Variants in BTBD9 observed in about 807,000 individuals in gnomAD.
BTBD9 encodes BTB/POZ domain-containing protein 9.
BTBD9 carries 49 observed loss-of-function variants against 64.3 expected under a neutral mutation model. That is an observed-to-expected ratio of 0.76 (90% CI 0.61 to 0.97). The LOEUF (loss-of-function observed/expected upper bound fraction) is 0.97, where lower values mean the gene tolerates loss of function less well. BTBD9 is among the 50% of genes least tolerant of loss of function. The pLI is 0.00. For synonymous variants in BTBD9, 260 were observed against 274.7 expected, an observed-to-expected ratio of 0.95 and a Z score of 0.53; for missense variants, 598 against 762.1, an observed-to-expected ratio of 0.78 and a Z score of 2.53.
intron 6 of BTBD9, among the ~76,000 whole-genome samples, chr6:38,354,798 CAA>C (rs1307609959): frequency 6.6e-6 from 1 of 151,612 alleles, no homozygotes; most frequent in Admixed American, 6.6e-5. Flanking sequence ...ATAAAGCTAC[CAA>C]AAAGAATCAG....
chr6:38,276,178 G>T (rs1342675765), intron 8 of BTBD9, among the ~76,000 whole-genome samples: 1 of 152,154 alleles, frequency 6.6e-6, no homozygotes, highest in Non-Finnish European at 1.5e-5. Context: ...CATAAAAAAT[G>T]ATGAGTTCAT....
intron 6 of BTBD9, among the ~76,000 whole-genome samples, chr6:38,447,144 A>G (rs1769310397): frequency 6.6e-6 from 1 of 152,234 alleles, no homozygotes; most frequent in Admixed American, 6.5e-5. Context: ...AAATGAAAAT[A>G]TATCGAGATC....
chr6:38,412,754 G>C (rs1767487868), intron 6 of BTBD9, among the ~76,000 whole-genome samples: 1 of 152,120 alleles, frequency 6.6e-6, no homozygotes, highest in South Asian at 2.1e-4. Flanking sequence ...AGCTATTCAG[G>C]AGGCTGAGGC....
chr6:38,350,660 C>A (rs1381982068), intron 6 of BTBD9, among the ~76,000 whole-genome samples: 1 of 152,142 alleles, frequency 6.6e-6, no homozygotes, highest in Non-Finnish European at 1.5e-5. Context: ...AACAAAGAAT[C>A]TTGAAAACTA....
At chr6:38,490,823 A>C (rs1379220834) in intron 6 of BTBD9, among the ~76,000 whole-genome samples, 1 of 152,228 alleles carries the variant, frequency 6.6e-6, no homozygotes, top group Non-Finnish European at 1.5e-5. Flanking sequence ...AATTTATTTC[A>C]AGTAAATCAG....
At chr6:38,292,753 T>C (rs541508697) in intron 7 of BTBD9, among the ~76,000 whole-genome samples, 4 of 152,324 alleles carry the variant, frequency 2.6e-5, no homozygotes, top group Non-Finnish European at 4.4e-5. Context: ...ATTTTGTCAA[T>C]CTTTTCAAAA....
intron 2 of BTBD9, among the ~76,000 whole-genome samples, chr6:38,596,983 TG>T (rs2127496502): frequency 6.6e-6 from 1 of 151,800 alleles, no homozygotes; most frequent in South Asian, 2.1e-4. Flanking sequence ...AATAGGAGAG[TG>T]CTAGAACTTT....
At chr6:38,227,706 C>T (rs927932216) in intron 9 of BTBD9, among the ~76,000 whole-genome samples, 1 of 152,170 alleles carries the variant, frequency 6.6e-6, no homozygotes, top group Admixed American at 6.5e-5. Flanking sequence ...CTGCTGCTGA[C>T]AGAGCTCTGA....
intron 7 of BTBD9, among the ~76,000 whole-genome samples, chr6:38,299,190 C>T (rs867682300): frequency 5.9e-5 from 9 of 152,310 alleles, no homozygotes; most frequent in Admixed American, 2.0e-4. Context: ...ATGAACTCAT[C>T]ATTTTTTATG....
At chr6:38,614,407 CAGCACCTTACAGTGACTGG>C (rs1562422296) in intron 1 of BTBD9, among the ~76,000 whole-genome samples, 2 of 152,186 alleles carry the variant, frequency 1.3e-5, no homozygotes, top group Admixed American at 1.3e-4. Flanking sequence ...TTTACATCCC[CAGCACCTTACAGTGACTGG>C]CATATTTAAG....
At chr6:38,482,581 T>G (rs1045058232) in intron 6 of BTBD9, 1 of 152,192 alleles carries the variant, frequency 6.6e-6, no homozygotes, top group Non-Finnish European at 1.5e-5. Context: ...AGCTGTTATA[T>G]GAGTCCTTTC....
At chr6:38,251,237 AGTT>A (rs1471368179) in intron 9 of BTBD9, among the ~76,000 whole-genome samples, 1 of 151,762 alleles carries the variant, frequency 6.6e-6, no homozygotes, top group Non-Finnish European at 1.5e-5. Context: ...GAGTTAGTAA[AGTT>A]GTTAAGTTAA....
intron 1 of BTBD9, among the ~76,000 whole-genome samples, chr6:38,615,018 G>T (rs189413235): frequency 6.6e-5 from 10 of 152,312 alleles, no homozygotes; most frequent in African/African-American, 2.4e-4. Flanking sequence ...GGCCTTCAAG[G>T]CCTGTGGAAT....
At position 38,569,645 on chromosome 6, in the gene BTBD9, T is replaced by C. The variant is rs16890819; in HGVS notation, c.1154+7955A>G. ...AAAGGAAAAGGGCAATCCTGTTCTG[T>C]TTTCTCACACAAAAGAAGCTCAACA... On this transcript the variant is annotated intron_variant, in intron 6 of 10. Transcript: ENST00000481247. 4.2e-3 allele frequency among the ~76,000 whole-genome samples: 639 copies of C among 152,232 alleles called. 9 individuals are homozygous for C. The highest frequency in any genetic ancestry group is 0.015 in the African/African-American group (605 of 41,538).
chr6:38,391,040 T>C lies in BTBD9; in HGVS notation c.1155-45947A>G, dbSNP rs186510369. 3.9e-5 allele frequency among the ~76,000 whole-genome samples: 6 copies of C among 152,340 alleles called. No individual in the cohort carries two copies. The East Asian group carries it at 1.2e-3, about 29-fold the overall frequency. ...TTATTGTCTCCGTAATCCTGGAATA[T>C]CAAAGCTTCAAATCTTACCCATTTT... On this transcript the variant is annotated intron_variant, in intron 6 of 10. Transcript: ENST00000481247.
At chr6:38,388,219 CAA>C (rs35755281) in intron 6 of BTBD9, among the ~76,000 whole-genome samples, 21 of 102,504 alleles carry the variant, frequency 2.0e-4, no homozygotes, top group Non-Finnish European at 2.5e-4. Flanking sequence ...CTGCCCCTGA[CAA>C]AAAAAAAAAA....
intron 6 of BTBD9, among the ~76,000 whole-genome samples, chr6:38,500,848 C>T (rs1363102854): frequency 6.6e-6 from 1 of 152,156 alleles, no homozygotes; most frequent in Non-Finnish European, 1.5e-5. Flanking sequence ...GAATTCAGTT[C>T]CCAACTTGTG....
At chr6:38,196,095 C>A (rs1459263049) in intron 9 of BTBD9, among the ~76,000 whole-genome samples, 1 of 152,202 alleles carries the variant, frequency 6.6e-6, no homozygotes, top group African/African-American at 2.4e-5. Flanking sequence ...TCATGGGTGA[C>A]GGTCAAGACA....
intron 6 of BTBD9, among the ~76,000 whole-genome samples, chr6:38,472,521 T>C (rs1316873993): frequency 6.6e-6 from 1 of 152,154 alleles, no homozygotes; most frequent in Non-Finnish European, 1.5e-5. Flanking sequence ...CTTGGTCTTT[T>C]ATATAACTTA....
Sources: allele counts gnomAD v4.1 joint callset (sites outside exome capture counted in the v4.1 genomes callset), GRCh38; gene constraint gnomAD v4.1.1; transcripts MANE v1.5; gene names NCBI Gene and HGNC (gene_info 2026-07-23, HGNC 2026-07-21).